The following PAK4 variants were observed in gnomAD, a reference collection of about 807,000 sequenced individuals.
The protein encoded by PAK4 is serine/threonine-protein kinase PAK 4.
PAK4 carries 49 observed loss-of-function variants against 53.5 expected under a neutral mutation model. The ratio of observed to expected loss-of-function variants is 0.92; its 90% CI spans 0.73 to 1.16. The LOEUF is 1.16. PAK4 is among the 50% of genes most tolerant of loss of function. The pLI is 0.00. For synonymous variants in PAK4, 376 were observed against 375.6 expected (o/e 1.00, Z -0.01); for missense variants, 824 against 850.7 (o/e 0.97, Z 0.39).
In PAK4 at chr19:39,173,381, C is replaced by T; in HGVS notation, c.663+5C>T. On this transcript the variant is annotated splice_donor_5th_base_variant and intron_variant, in intron 3 of 8. Transcript: ENST00000358301. The surrounding 1 kb of genome is among the most constrained non-coding windows in gnomAD (Gnocchi z 6.9). ...CACCCATCCCGGGGTGCCCAGGTAACCCATCCCCCGCCCCAGGGCCCCCAC... is the reference window on the plus strand; with the variant it reads ...CACCCATCCCGGGGTGCCCAGGTAATCCATCCCCCGCCCCAGGGCCCCCAC... 1 of 1,517,822 alleles carries T rather than the reference C, an allele frequency of 6.6e-7. No individual in the cohort carries two copies. Among genetic ancestry groups the T allele is most frequent in the Non-Finnish European group, 8.8e-7 (1 of 1,131,750 alleles). 94.0% of individuals were successfully genotyped at this position (1,517,822 alleles called of 1,614,324 possible).
intron 1 of PAK4, among the ~76,000 whole-genome samples, chr19:39,135,841 C>T (rs1218304765): frequency 6.6e-6 from 1 of 151,664 alleles, no homozygotes; most frequent in Non-Finnish European, 1.5e-5. Context: ...CATCCCTCGT[C>T]TTGTTTCGGG....
intron 1 of PAK4, among the ~76,000 whole-genome samples, chr19:39,132,808 G>A (rs1204283983): frequency 6.6e-6 from 1 of 152,210 alleles, no homozygotes. Flanking sequence ...TCACTCCCTT[G>A]CTGGAATAGA....
intron 1 of PAK4, 61 bp downstream of exon 2, chr19:39,168,363 G>T (rs566106420): frequency 2.2e-4 from 34 of 152,386 alleles, no homozygotes; most frequent in African/African-American, 7.9e-4. Context: ...TGGGGCCTTA[G>T]GGGGGAGCAG....
chr19:39,166,398 C>T (rs762337507), intron 1 of PAK4, among the ~76,000 whole-genome samples: 30 of 152,264 alleles, frequency 2.0e-4, no homozygotes, highest in African/African-American at 4.1e-4. Flanking sequence ...GAGCCAAGAT[C>T]GCACCACTGC....
chr19:39,163,103 A>C (rs2074311378), intron 1 of PAK4, among the ~76,000 whole-genome samples: 1 of 152,154 alleles, frequency 6.6e-6, no homozygotes, highest in Non-Finnish European at 1.5e-5. Context: ...CTCCACCATC[A>C]AAGCACATGC....
In PAK4 at chr19:39,177,955, A is replaced by T. The variant is rs1008481214; in HGVS notation, c.1620+146A>T. The T allele has an allele frequency of 5.4e-6, 5 of 926,000 alleles. No individual in the cohort carries two copies. In the African/African-American group the frequency reaches 8.5e-5, roughly 16 times the overall value. 57.4% of individuals were successfully genotyped at this position (926,000 alleles called of 1,614,324 possible). A position where few individuals can be genotyped will look rare whatever the true frequency, so the allele number is the denominator to read the frequency against. On this transcript the variant is annotated intron_variant, in intron 8 of 8. Coordinates refer to ENST00000358301, the Ensembl canonical transcript of PAK4. ...GCTGGGCCCCCCACCCCCGGGCCTC[A>T]TGTGTCTGTGCAGACCCCCTCTGTG...
chr19:39,149,898 GAGAA>G (rs1179142463), intron 1 of PAK4, among the ~76,000 whole-genome samples: 1 of 152,114 alleles, frequency 6.6e-6, no homozygotes, highest in Non-Finnish European at 1.5e-5. Context: ...TATATATAGA[GAGAA>G]AGAAAGTAGA....
rs191630831 is a variant in PAK4, at chr19:39,129,205, C to T, written c.-23+3286C>T. On this transcript the variant is annotated intron_variant, in intron 1 of 8. Coordinates refer to ENST00000358301, the Ensembl canonical transcript of PAK4. ...ATTACAGGCGCGCACACCTGCTCCC[C>T]GCTTTGAGCTGAGCATTGGAGTCTG... Among the ~76,000 whole-genome samples the T allele has an allele frequency of 1.1e-3, 162 of 152,014 alleles. 1 individual carries two copies. In the Middle Eastern group the frequency reaches 0.024, roughly 22 times the overall value.
chr19:39,158,265 T>G (rs2074226585), intron 1 of PAK4, among the ~76,000 whole-genome samples: 1 of 151,272 alleles, frequency 6.6e-6, no homozygotes, highest in African/African-American at 2.5e-5. Context: ...ATGCATGTGT[T>G]GCGGGATGGC....
intron 1 of PAK4, among the ~76,000 whole-genome samples, chr19:39,133,429 G>A (rs1196776108): frequency 6.6e-6 from 1 of 152,148 alleles, no homozygotes; most frequent in African/African-American, 2.4e-5. Context: ...CAAGACACAC[G>A]TGTTCTTAGG....
At chr19:39,126,147 C>G (rs1032191732) in intron 1 of PAK4, among the ~76,000 whole-genome samples, 1 of 151,784 alleles carries the variant, frequency 6.6e-6, no homozygotes, top group African/African-American at 2.4e-5. Flanking sequence ...GTTTGAAATT[C>G]GAAGTGGGGG....
At chr19:39,146,163 T>G (rs190220756) in intron 1 of PAK4, among the ~76,000 whole-genome samples, 3 of 152,348 alleles carry the variant, frequency 2.0e-5, no homozygotes. Context: ...AGTCCAGCCC[T>G]GTCAGGCTGA....
At chr19:39,152,871 C>T (rs796844059) in intron 1 of PAK4, among the ~76,000 whole-genome samples, 39 of 152,138 alleles carry the variant, frequency 2.6e-4, no homozygotes, top group African/African-American at 8.9e-4. Context: ...CTCAGGATCA[C>T]GGGTTCTGCA....
chr19:39,137,740 C>A (rs1428633966), intron 1 of PAK4, among the ~76,000 whole-genome samples: 1 of 151,540 alleles, frequency 6.6e-6, no homozygotes, highest in African/African-American at 2.4e-5. Flanking sequence ...GATCTTGGCT[C>A]ACTACAACCT....
intron 1 of PAK4, among the ~76,000 whole-genome samples, chr19:39,150,143 G>A (rs75247917): frequency 0.03 from 4,606 of 152,124 alleles, 150 homozygotes; most frequent in Non-Finnish European, 0.039. Context: ...GTATGTTGGT[G>A]TAGATCTGTT....
intron 1 of PAK4, among the ~76,000 whole-genome samples, chr19:39,154,789 G>A (rs1296387325): frequency 2.6e-5 from 4 of 152,132 alleles, no homozygotes; most frequent in East Asian, 1.9e-4. Flanking sequence ...GTGGTTACTC[G>A]ACAAATGCCC....
chr19:39,148,465 G>GTTTTTTTTTTTTTTTTTTTTTTTTT (rs1568506439), intron 1 of PAK4, among the ~76,000 whole-genome samples: 1 of 9,126 alleles, frequency 1.1e-4, no homozygotes, highest in African/African-American at 4.0e-4. Flanking sequence ...AGTTTCTTCT[G>GTTTTTTTTTTTTTTTTTTTTTTTTT]CTTTTTTTTT....
intron 1 of PAK4, among the ~76,000 whole-genome samples, chr19:39,165,334 C>CT (rs1194646684): frequency 7.5e-6 from 1 of 132,590 alleles, no homozygotes; most frequent in Non-Finnish European, 1.6e-5. Context: ...AACCCCATCT[C>CT]TACTAAAAAT....
At chr19:39,177,172 T>C (rs1355024598) in intron 7 of PAK4, among the ~76,000 whole-genome samples, 1 of 152,236 alleles carries the variant, frequency 6.6e-6, no homozygotes, top group Non-Finnish European at 1.5e-5. Flanking sequence ...CAGCCTTGGC[T>C]CTGCCTTCTG....
Sources: allele counts gnomAD v4.1 joint callset (sites outside exome capture counted in the v4.1 genomes callset), GRCh38; gene constraint gnomAD v4.1.1; non-coding constraint Gnocchi (gnomAD v3.1); transcripts MANE v1.5; gene names NCBI Gene and HGNC (gene_info 2026-07-23, HGNC 2026-07-21).